The following STX7 variants were observed in gnomAD, a reference collection of about 807,000 sequenced individuals.
STX7 encodes the protein syntaxin 7.
In STX7, 34 loss-of-function variants were observed where a neutral mutation model predicts 39.6. The ratio of observed to expected loss-of-function variants is 0.86; its 90% CI spans 0.65 to 1.14. The LOEUF is 1.14. Ranked by LOEUF, STX7 falls within the 50% of genes most tolerant of loss-of-function variation. The probability of loss-of-function intolerance (pLI) is 0.00; values close to 1 mark genes in which losing one functional copy is unlikely to be tolerated. For missense variants in STX7, 284 were observed against 310.4 expected (o/e 0.92, Z 0.64); for synonymous variants, 119 against 99.1 (o/e 1.20, Z -1.19).
chr6:132,475,629 C>T lies in STX7; in HGVS notation c.119G>A (p.Gly40Glu). 1 of 1,608,776 alleles carries T rather than the reference C, an allele frequency of 6.2e-7. No homozygotes were observed. Among genetic ancestry groups the T allele is most frequent in the Non-Finnish European group, 8.5e-7 (1 of 1,177,702 alleles). Residue 40 changes from glycine to glutamate, a missense_variant, in exon 3 of 10, where the codon GGA (glycine) becomes GAA (glutamate). Gly to Glu is a moderately conservative substitution (Grantham distance 98). Transcript: ENST00000367941. ...VEIQRTLNQL[G>E]TPQDSPELRQ... ...CAATTCAGGTGAATCTTGAGGTGTT[C>T]CAAGTTGATTCAGAGTTCTTTGTAT... is the stretch of plus-strand genomic sequence containing the variant.
At chr6:132,502,757 G>A (rs577812046) in intron 2 of STX7, among the ~76,000 whole-genome samples, 8 of 152,234 alleles carry the variant, frequency 5.3e-5, no homozygotes, top group Middle Eastern at 3.4e-3. Flanking sequence ...AAATTAGCCG[G>A]GCGTGGTGGC....
chr6:132,495,975 G>A (rs1775412570), intron 2 of STX7, among the ~76,000 whole-genome samples: 1 of 152,138 alleles, frequency 6.6e-6, no homozygotes, highest in South Asian at 2.1e-4. Context: ...CTGTAGGAGA[G>A]ATGATTAAAA....
chr6:132,471,132 A>C (rs1774707927), intron 5 of STX7, among the ~76,000 whole-genome samples: 1 of 152,180 alleles, frequency 6.6e-6, no homozygotes, highest in African/African-American at 2.4e-5. Context: ...TTTCTACACT[A>C]GCGTGTACAC....
At chr6:132,484,741 C>T (rs1220935010) in intron 2 of STX7, among the ~76,000 whole-genome samples, 2 of 152,072 alleles carry the variant, frequency 1.3e-5, no homozygotes, top group Non-Finnish European at 2.9e-5. Flanking sequence ...GGAAGAAGTA[C>T]AATTGAAGGC....
chr6:132,504,407 A>ACAT (rs1442847225), intron 1 of STX7, among the ~76,000 whole-genome samples: 2 of 152,170 alleles, frequency 1.3e-5, no homozygotes, highest in Non-Finnish European at 2.9e-5. Context: ...AGGTGAGATG[A>ACAT]CATTCTCTAC....
chr6:132,460,704 A>T lies in STX7; in HGVS notation c.*54T>A. 7.8e-7 allele frequency: 1 copy of T among 1,279,992 alleles called. No individual in the cohort carries two copies. The highest frequency in any genetic ancestry group is 1.1e-6 in the Non-Finnish European group (1 of 899,762). The allele number at this position is 1,279,992 out of a possible 1,614,324, so 79.3% of individuals were successfully genotyped here. A position where few individuals can be genotyped will look rare whatever the true frequency, so the allele number is the denominator to read the frequency against. Reference sequence around the variant, plus strand: ...ATAATTAAAAAAACATGATTACAGGAATCTTCCTACATAATTTAGACAATG... The same window carrying T: ...ATAATTAAAAAAACATGATTACAGGTATCTTCCTACATAATTTAGACAATG... On this transcript the variant is annotated 3_prime_UTR_variant, in exon 10 of 10. Coordinates refer to ENST00000367941, the MANE Select transcript of STX7 (RefSeq NM_003569.3).
chr6:132,460,752 A>G lies in STX7; in HGVS notation c.*6T>C, dbSNP rs756943792. 34 of 1,603,034 alleles carry G rather than the reference A, an allele frequency of 2.1e-5. No individual in the cohort carries two copies. The highest frequency in any genetic ancestry group is 1.5e-4 in the South Asian group (14 of 90,350). On this transcript the variant is annotated 3_prime_UTR_variant, in exon 10 of 10. Transcript: ENST00000367941. Reference sequence around the variant, plus strand: ...ATGTAGTGCGACAGTGTGCTCCTTTATAACTTCAGTGGTTCAATCCCCATA... The same window carrying G: ...ATGTAGTGCGACAGTGTGCTCCTTTGTAACTTCAGTGGTTCAATCCCCATA...
intron 1 of STX7, among the ~76,000 whole-genome samples, chr6:132,508,445 C>G (rs1172549751): frequency 6.6e-6 from 1 of 152,180 alleles, no homozygotes; most frequent in Non-Finnish European, 1.5e-5. Context: ...AGACAATTGG[C>G]AAGTGGCTTC....
intron 4 of STX7, among the ~76,000 whole-genome samples, chr6:132,471,982 T>C (rs1222672026): frequency 6.6e-6 from 1 of 152,198 alleles, no homozygotes; most frequent in Non-Finnish European, 1.5e-5. Context: ...TGAGCCTGCA[T>C]GTTCCACGCA....
intron 2 of STX7, among the ~76,000 whole-genome samples, chr6:132,477,359 C>T (rs972181841): frequency 6.6e-6 from 1 of 151,944 alleles, no homozygotes; most frequent in Non-Finnish European, 1.5e-5. Flanking sequence ...CATCGATAGA[C>T]TATTGGCAGG....
intron 2 of STX7, among the ~76,000 whole-genome samples, chr6:132,501,329 C>T (rs1018293377): frequency 6.6e-6 from 1 of 152,192 alleles, no homozygotes; most frequent in African/African-American, 2.4e-5. Context: ...GCTGGGATTA[C>T]AGGTGTGAGC....
chr6:132,457,805 T>G lies in STX7; in HGVS notation c.*2953A>C, dbSNP rs962105572. On this transcript the variant is annotated 3_prime_UTR_variant, in exon 10 of 10. Transcript: ENST00000367941. ...CTTCAGCCCATTCTGAAACTTCATA[T>G]TGCAGCAAACCAGCCATGTGAAAGA... is the stretch of plus-strand genomic sequence containing the variant. 1 of 152,204 alleles carries G rather than the reference T, an allele frequency of 6.6e-6. No homozygotes were observed. Among genetic ancestry groups the G allele is most frequent in the Admixed American group, 6.5e-5 (1 of 15,282 alleles). 9.4% of individuals were successfully genotyped at this position (152,204 alleles called of 1,614,324 possible).
chr6:132,483,271 C>T (rs1281127601), intron 2 of STX7, among the ~76,000 whole-genome samples: 1 of 152,164 alleles, frequency 6.6e-6, no homozygotes, highest in East Asian at 1.9e-4. Flanking sequence ...CACCTCTACA[C>T]AACTTACAAT....
upstream of STX7, among the ~76,000 whole-genome samples, chr6:132,513,417 C>T (rs1775905934): frequency 6.6e-6 from 1 of 152,226 alleles, no homozygotes; most frequent in Non-Finnish European, 1.5e-5. Context: ...GTTTGCTAAC[C>T]TTTAACTGCA....
chr6:132,492,868 T>C (rs370438668), intron 2 of STX7, among the ~76,000 whole-genome samples: 15 of 152,362 alleles, frequency 9.8e-5, no homozygotes, highest in African/African-American at 3.4e-4. Flanking sequence ...GCAGGGTATA[T>C]AGGAAATACC....
chr6:132,498,968 C>A (rs1388210939), intron 2 of STX7, among the ~76,000 whole-genome samples: 1 of 152,198 alleles, frequency 6.6e-6, no homozygotes, highest in Admixed American at 6.5e-5. Flanking sequence ...AAACCCCCTT[C>A]TTTCCCGCCC....
At chr6:132,461,763 G>C in intron 9 of STX7, 1 of 1,428,122 alleles carries the variant, frequency 7.0e-7, no homozygotes, top group Non-Finnish European at 9.3e-7. Flanking sequence ...ATTGAAAACC[G>C]AATGGTTAAG....
chr6:132,489,227 G>GAAAAAAAA (rs1775218386), intron 2 of STX7, among the ~76,000 whole-genome samples: 7 of 82,542 alleles, frequency 8.5e-5, no homozygotes, highest in African/African-American at 3.0e-4. Flanking sequence ...AAAAAAAAAG[G>GAAAAAAAA]ATGATATATA....
At chr6:132,470,141 T>C in intron 6 of STX7, 94 bp from the exon 7 acceptor site, 2 of 873,414 alleles carry the variant, frequency 2.3e-6, no homozygotes, top group Non-Finnish European at 3.3e-6. Flanking sequence ...TTAAATAGGA[T>C]ATTTTATTCT....
Sources: gnomAD v4.1 joint callset for allele counts (sites outside exome capture counted in the v4.1 genomes callset) on GRCh38, gnomAD v4.1.1 for gene constraint, MANE v1.5 for transcripts, NCBI Gene and HGNC (gene_info 2026-07-23, HGNC 2026-07-21) for gene names.